AMBN: variants seen among roughly 807,000 people sequenced by gnomAD.
The protein encoded by AMBN is enamel matrix protein.
Under a neutral mutation model 48.0 loss-of-function variants are expected in AMBN, and 54 were observed. The ratio of observed to expected loss-of-function variants is 1.12; its 90% confidence interval spans 0.90 to 1.41. AMBN has a LOEUF of 1.41. AMBN is among the 40% of genes most tolerant of loss of function. AMBN has a pLI of 0.00. For missense variants in AMBN, 571 were observed against 547.3 expected (o/e 1.04, Z -0.43); for synonymous variants, 186 against 190.0 (o/e 0.98, Z 0.17).
Position 70,603,439 on chromosome 4 carries a change from G to A in AMBN, c.732G>A (p.Val244=). The change falls in exon 11 of 13, where the codon GTG becomes GTA. Residue 244 remains valine, a synonymous_variant. Coordinates refer to ENST00000322937, the MANE Select transcript of AMBN (RefSeq NM_016519.6). ...QSPLYPGMLY[V]PFGANQLNAP... ...AGCTTTATCCAGGAATGTTGTACGTGCCTTTTGGAGCAAATCAATTGGTAA... is the reference window on the plus strand; with the variant it reads ...AGCTTTATCCAGGAATGTTGTACGTACCTTTTGGAGCAAATCAATTGGTAA... 1.9e-6 allele frequency: 3 copies of A among 1,612,554 alleles called. No individual in the cohort carries two copies. The highest frequency in any genetic ancestry group is 4.5e-5 in the East Asian group (2 of 44,798).
intron 5 of AMBN, 81 bp downstream of exon 5, chr4:70,599,727 T>C: frequency 9.6e-7 from 1 of 1,044,352 alleles, no homozygotes; most frequent in Non-Finnish European, 1.4e-6. Flanking sequence ...TATGATATAT[T>C]AGAAACAGCC....
chr4:70,603,554 A>G, intron 11 of AMBN, 94 bp downstream of exon 11: 1 of 1,265,932 alleles, frequency 7.9e-7, no homozygotes, highest in South Asian at 1.3e-5. Flanking sequence ...AGAGATTCCA[A>G]ATAAACATTC....
intron 1 of AMBN, among the ~76,000 whole-genome samples, chr4:70,592,768 C>CCT (rs1295311072): frequency 9.2e-5 from 14 of 151,970 alleles, no homozygotes; most frequent in African/African-American, 3.4e-4. Context: ...CCACTAACAT[C>CCT]AAAGAAAATT....
At chr4:70,593,485 C>G (rs1319936450) in intron 2 of AMBN, 90 bp downstream of exon 2, 1 of 1,067,180 alleles carries the variant, frequency 9.4e-7, no homozygotes, top group Non-Finnish European at 1.4e-6. Flanking sequence ...AGAGTCCACG[C>G]ATAGACTCAC....
rs114352568 is a variant in AMBN, at chr4:70,601,301, A to C, written c.295-117A>C. The C allele has an allele frequency of 2.8e-3, 2,869 of 1,023,508 alleles. 63 individuals are homozygous for C. The African/African-American group carries it at 0.041, about 15-fold the overall frequency. The allele number at this position is 1,023,508 out of a possible 1,614,324, so 63.4% of individuals were successfully genotyped here. A position where few individuals can be genotyped will look rare whatever the true frequency, so the allele number is the denominator to read the frequency against. On this transcript the variant is annotated intron_variant, in intron 5 of 12. Coordinates refer to ENST00000322937, the MANE Select transcript of AMBN (RefSeq NM_016519.6). ...GCTATGTAAACTCAACTTCAAGACAAGTCTCCTAGCCTCCCTTCCAGATAG... is the reference window on the plus strand; with the variant it reads ...GCTATGTAAACTCAACTTCAAGACACGTCTCCTAGCCTCCCTTCCAGATAG...
At chr4:70,605,474 A>G (rs1429394766) in intron 12 of AMBN, among the ~76,000 whole-genome samples, 1 of 152,232 alleles carries the variant, frequency 6.6e-6, no homozygotes, top group Non-Finnish European at 1.5e-5. Context: ...CTCAATTGCT[A>G]CAAACAGCCT....
rs1389052203 is a variant in AMBN, at chr4:70,603,917, T to A, written c.794T>A (p.Val265Glu). Residue 265 changes from valine to glutamate, a missense_variant, in exon 12 of 13, where the codon GTG becomes GAG. Physicochemically the swap from Val to Glu is moderately radical, Grantham distance 121 (BLOSUM62 -2). Transcript: ENST00000322937. The stretch of plus-strand genomic sequence containing the variant: ...CTTGGCATCATGAGTTCAGAAGAAG[T>A]GGCAGTGAGTAATGTCTTCTAACTC... ...ARLGIMSSEE[V>E]AGGREDPMAY... The A allele has an allele frequency of 6.2e-7, 1 of 1,613,986 alleles. No homozygotes were observed. The highest frequency in any genetic ancestry group is 2.2e-5 in the East Asian group (1 of 44,826).
chr4:70,599,890 A>G (rs944765973), intron 5 of AMBN, among the ~76,000 whole-genome samples: 20 of 152,358 alleles, frequency 1.3e-4, no homozygotes, highest in South Asian at 4.1e-4. Context: ...GACCTATATT[A>G]AAGATATCAG....
At chr4:70,593,946 A>G (rs527572322) in intron 2 of AMBN, among the ~76,000 whole-genome samples, 1 of 152,014 alleles carries the variant, frequency 6.6e-6, no homozygotes, top group Non-Finnish European at 1.5e-5. Context: ...CAATTTCTAG[A>G]TCTTATTCCA....
chr4:70,592,656 A>G (rs759807580), intron 1 of AMBN, among the ~76,000 whole-genome samples: 2 of 152,096 alleles, frequency 1.3e-5, no homozygotes, highest in Non-Finnish European at 2.9e-5. Flanking sequence ...GGCTATTCAG[A>G]TCTCTATTCA....
intron 5 of AMBN, among the ~76,000 whole-genome samples, chr4:70,600,327 T>A (rs1218826846): frequency 2.5e-4 from 35 of 142,652 alleles, no homozygotes; most frequent in Non-Finnish European, 4.3e-4. Flanking sequence ...TTAAGAAATT[T>A]AAAAAAAAAA....
intron 6 of AMBN, chr4:70,601,983 G>GAC: frequency 2.1e-6 from 1 of 482,988 alleles, no homozygotes; most frequent in Non-Finnish European, 4.0e-6. Flanking sequence ...GTCTTTTTTG[G>GAC]TATTGGAAAA....
At chr4:70,601,121 T>A (rs1013657961) in intron 5 of AMBN, among the ~76,000 whole-genome samples, 2 of 152,138 alleles carry the variant, frequency 1.3e-5, no homozygotes, top group African/African-American at 4.8e-5. Flanking sequence ...AAGATACAGA[T>A]ACATACAGAC....
chr4:70,599,512 G>T, intron 4 of AMBN, 24 bp from the exon 5 acceptor site: 1 of 1,489,878 alleles, frequency 6.7e-7, no homozygotes, highest in Non-Finnish European at 9.2e-7. Context: ...ATATAAGCAT[G>T]TCTTTTTTTA....
At chr4:70,602,580 G>A in intron 6 of AMBN, 44 bp from the exon 7 acceptor site, 4 of 1,411,076 alleles carry the variant, frequency 2.8e-6, no homozygotes, top group Non-Finnish European at 3.8e-6. Context: ...TGTCTATTTT[G>A]TTTATTTTTT....
At chr4:70,605,554 T>C (rs1339492986) in intron 12 of AMBN, among the ~76,000 whole-genome samples, 1 of 152,152 alleles carries the variant, frequency 6.6e-6, no homozygotes. Flanking sequence ...GGTATTCTAT[T>C]TGTCCACAAG....
At chr4:70,595,376 G>A (rs1431175357) in intron 2 of AMBN, among the ~76,000 whole-genome samples, 9 of 151,612 alleles carry the variant, frequency 5.9e-5, no homozygotes, top group African/African-American at 9.7e-5. Flanking sequence ...TTGTAGAGAC[G>A]CGGTTTCGCC....
chr4:70,600,356 G>A (rs1737490629), intron 5 of AMBN, among the ~76,000 whole-genome samples: 1 of 151,594 alleles, frequency 6.6e-6, no homozygotes, highest in Admixed American at 6.6e-5. Flanking sequence ...GAACCCTACA[G>A]AAGTCAATAA....
chr4:70,594,369 C>T (rs1737346644), intron 2 of AMBN, among the ~76,000 whole-genome samples: 1 of 152,212 alleles, frequency 6.6e-6, no homozygotes, highest in Non-Finnish European at 1.5e-5. Flanking sequence ...ATCACAAAAA[C>T]TTTATTTGGC....
Sources: allele counts gnomAD v4.1 joint callset (sites outside exome capture counted in the v4.1 genomes callset), GRCh38; gene constraint gnomAD v4.1.1; transcripts MANE v1.5; gene names NCBI Gene and HGNC (gene_info 2026-07-23, HGNC 2026-07-21).